Variants in CSF2RA observed in about 807,000 individuals in gnomAD.
CSF2RA encodes granulocyte-macrophage colony-stimulating factor receptor subunit alpha.
In CSF2RA, 42 loss-of-function variants were observed where a neutral mutation model predicts 51.6. The observed-to-expected ratio is 0.81, with a 90% CI of 0.64 to 1.05. The LOEUF is 1.05. Ranked by LOEUF, CSF2RA falls within the 50% of genes least tolerant of loss-of-function variation. The pLI, the probability that CSF2RA is intolerant of heterozygous loss-of-function variation, is 0.00. For synonymous variants in CSF2RA, 222 were observed against 193.0 expected, an observed-to-expected ratio of 1.15 and a Z score of -1.24; for missense variants, 530 against 501.1, an observed-to-expected ratio of 1.06 and a Z score of -0.55.
intron 9 of CSF2RA, among the ~76,000 whole-genome samples, chrX:1,299,064 G>A (rs548427668): frequency 4.6e-5 from 7 of 152,276 alleles, no homozygotes; most frequent in African/African-American, 1.4e-4. Context: ...GATCTCACAC[G>A]GGTGAGGGCC....
intron 1 of CSF2RA, among the ~76,000 whole-genome samples, chrX:1,271,941 G>T (rs749035394): frequency 6.6e-6 from 1 of 151,410 alleles, no homozygotes; most frequent in East Asian, 2.0e-4. Context: ...TAAGAGAAAA[G>T]ACATGCACTT....
At position 1,291,313 on chromosome X, in the gene CSF2RA, C is replaced by T. The variant is rs1331656982; in HGVS notation, c.646+804C>T. 9.2e-5 allele frequency among the ~76,000 whole-genome samples: 13 copies of T among 140,990 alleles called. No individual in the cohort carries two copies. In the East Asian group the frequency reaches 2.9e-3, roughly 31 times the overall value. The allele number at this position is 140,990 out of a possible 152,430, so 92.5% of individuals were successfully genotyped here. The stretch of plus-strand genomic sequence containing the variant: ...TCCTTCCTTCCTTCCCTCCCTCCCT[C>T]CTTTCCTTCCTTCCTTCCTCCTTCC... On this transcript the variant is annotated intron_variant, in intron 7 of 12. Coordinates refer to ENST00000381529, the MANE Select transcript of CSF2RA (RefSeq NM_172245.4).
At chrX:1,322,439 G>GTTTTTTTTT in the CSF2RA span, among the ~76,000 whole-genome samples, 23 of 120,682 alleles carry the variant, frequency 1.9e-4, no homozygotes, top group East Asian at 5.4e-4. Context: ...GTGTGTGTTT[G>GTTTTTTTTT]TTTTTTTTTT....
chrX:1,296,255 G>C (rs1411176513), intron 9 of CSF2RA, among the ~76,000 whole-genome samples: 8 of 143,062 alleles, frequency 5.6e-5, no homozygotes, highest in African/African-American at 1.6e-4. Context: ...ACAACCCCTA[G>C]TGTAACCCTA....
In CSF2RA at chrX:1,290,213, T is replaced by TTG. The variant is rs2091268918; in HGVS notation, c.474-122_474-121dup. On this transcript the variant is annotated intron_variant, in intron 6 of 12. Transcript: ENST00000381529. ...TGTGGGTTTTTTTTGTTTTGTGTTT[T>TTG]TGTTTTGTGTTTTTGTGTTTTGTGT... 1.1e-5 allele frequency: 9 copies of TTG among 804,904 alleles called. No homozygotes were observed. The East Asian group carries it at 2.0e-4, about 18-fold the overall frequency. 49.9% of individuals were successfully genotyped at this position (804,904 alleles called of 1,614,324 possible).
chrX:1,292,406 C>G (rs1603429702), intron 7 of CSF2RA, among the ~76,000 whole-genome samples: 1 of 152,080 alleles, frequency 6.6e-6, no homozygotes, highest in Non-Finnish European at 1.5e-5. Flanking sequence ...CCCAGGGGAC[C>G]GGCGCTCAGC....
chrX:1,319,770 A>C, the CSF2RA span, among the ~76,000 whole-genome samples: 1 of 144,144 alleles, frequency 6.9e-6, no homozygotes, highest in Non-Finnish European at 1.5e-5. Flanking sequence ...GCTGGAGTGC[A>C]GGGGCAAAAT....
chrX:1,307,704 C>T (rs1484685412), intron 12 of CSF2RA, among the ~76,000 whole-genome samples: 1 of 50,568 alleles, frequency 2.0e-5, no homozygotes, highest in African/African-American at 5.3e-5. Context: ...TGAGGCCCAC[C>T]CTCCCCTTTA....
At chrX:1,287,368 G>A (rs1264058326) in intron 4 of CSF2RA, among the ~76,000 whole-genome samples, 12 of 150,478 alleles carry the variant, frequency 8.0e-5, no homozygotes, top group East Asian at 3.9e-4. Context: ...TGGCCAGGCT[G>A]GTCTCCAACT....
intron 2 of CSF2RA, among the ~76,000 whole-genome samples, chrX:1,280,471 C>CAA (rs750353851): frequency 3.1e-5 from 4 of 129,420 alleles, no homozygotes; most frequent in Non-Finnish European, 5.0e-5. Context: ...AACTCCGTCT[C>CAA]AAAAAAAAAA....
In CSF2RA at chrX:1,300,619, T is replaced by G; in HGVS notation, c.939T>G (p.Ile313Met). The stretch of plus-strand genomic sequence containing the variant: ...ATTGGAGCTCCTGGAGTGAAGCCAT[T>G]GAATTTGGTAAGCGTTGGGCGGAGG... ...ILNWSSWSEA[I>M]EFGSDDGNLG... The change falls in exon 10 of 13, where the codon ATT becomes ATG. Residue 313 changes from isoleucine (I) to methionine (M), a missense_variant. Coordinates refer to ENST00000381529, the MANE Select transcript of CSF2RA (RefSeq NM_172245.4). 6.2e-7 allele frequency: 1 copy of G among 1,613,800 alleles called. No individual in the cohort carries two copies. The highest frequency in any genetic ancestry group is 1.1e-5 in the South Asian group (1 of 91,066).
chrX:1,316,946 C>A, the CSF2RA span, among the ~76,000 whole-genome samples: 5 of 152,142 alleles, frequency 3.3e-5, no homozygotes, highest in African/African-American at 1.2e-4. Context: ...TGCATATTTT[C>A]TTTCTTTCTT....
chrX:1,301,825 C>A (rs566119325), intron 10 of CSF2RA, among the ~76,000 whole-genome samples: 5 of 149,770 alleles, frequency 3.3e-5, no homozygotes, highest in Non-Finnish European at 7.4e-5. Flanking sequence ...CCAGGATGGT[C>A]TCGATCTCCT....
chrX:1,298,829 A>G (rs28690182), intron 9 of CSF2RA, among the ~76,000 whole-genome samples: 49,645 of 151,152 alleles, frequency 0.33, 8,615 homozygotes, highest in Middle Eastern at 0.43. Flanking sequence ...AGGAGACCCC[A>G]CCTCACCTCC....
intron 7 of CSF2RA, among the ~76,000 whole-genome samples, chrX:1,292,358 T>G (rs756282179): frequency 1.3e-5 from 2 of 152,180 alleles, no homozygotes; most frequent in South Asian, 2.1e-4. Flanking sequence ...AGAAAAGAAA[T>G]AAGACACAGA....
At chrX:1,306,858 GA>G (rs1198014971) in intron 12 of CSF2RA, among the ~76,000 whole-genome samples, 4 of 145,936 alleles carry the variant, frequency 2.7e-5, no homozygotes, top group African/African-American at 1.0e-4. Context: ...TGGACACAGA[GA>G]GGGGAGAGAG....
At position 1,309,702 on chromosome X, in the gene CSF2RA, C is replaced by T; in HGVS notation, c.*223C>T. 1.0e-6 allele frequency: 1 copy of T among 985,366 alleles called. No homozygotes were observed. Among genetic ancestry groups the T allele is most frequent in the Non-Finnish European group, 1.6e-6 (1 of 615,090 alleles). 61.0% of individuals were successfully genotyped at this position (985,366 alleles called of 1,614,324 possible). On this transcript the variant is annotated 3_prime_UTR_variant, in exon 13 of 13. Coordinates refer to ENST00000381529, the MANE Select transcript of CSF2RA (RefSeq NM_172245.4). ...AGGAGTTCAAGACCAGCCTGCCCAA[C>T]ATGGTGAAACCCCATCTGGACTAAA...
At chrX:1,299,660 G>A (rs776357247) in intron 9 of CSF2RA, among the ~76,000 whole-genome samples, 1 of 152,324 alleles carries the variant, frequency 6.6e-6, no homozygotes, top group South Asian at 2.1e-4. Flanking sequence ...GCTCACGCCT[G>A]TCATCCCAGC....
At chrX:1,287,653 A>T (rs60929526) in intron 4 of CSF2RA, among the ~76,000 whole-genome samples, 4 of 136,846 alleles carry the variant, frequency 2.9e-5, no homozygotes, top group East Asian at 2.3e-4. Flanking sequence ...CATGTTGGCC[A>T]GGCTGATCTT....
Sources: gnomAD v4.1 joint callset for allele counts (sites outside exome capture counted in the v4.1 genomes callset) on GRCh38, gnomAD v4.1.1 for gene constraint, MANE v1.5 for transcripts, NCBI Gene and HGNC (gene_info 2026-07-23, HGNC 2026-07-21) for gene names.